Variants in CSMD1 observed in about 807,000 individuals in gnomAD.
CSMD1 encodes CUB and sushi domain-containing protein 1.
In CSMD1, 213 loss-of-function variants were observed where a neutral mutation model predicts 417.5. The observed-to-expected ratio is 0.51, with a 90% CI of 0.46 to 0.57. The LOEUF is 0.57. CSMD1 is among the 20% of genes least tolerant of loss of function. CSMD1 has a pLI of 0.00. For synonymous variants in CSMD1, 2,862 were observed against 1,736.8 expected, an observed-to-expected ratio of 1.65 and a Z score of -16.11; for missense variants, 6,923 against 4,529.7, an observed-to-expected ratio of 1.53 and a Z score of -15.17.
At chr8:3,180,693 T>A (rs957713493) in intron 37 of CSMD1, among the ~76,000 whole-genome samples, 3 of 152,138 alleles carry the variant, frequency 2.0e-5, no homozygotes, top group African/African-American at 7.2e-5. Context: ...TGGTGTGCAG[T>A]GGTGCAATCT....
chr8:3,052,658 A>G lies in CSMD1; in HGVS notation c.7475-11T>C. 9.5e-6 allele frequency: 15 copies of G among 1,571,284 alleles called. No homozygotes were observed. The highest frequency in any genetic ancestry group is 1.3e-5 in the Non-Finnish European group (15 of 1,158,496). The stretch of plus-strand genomic sequence containing the variant: ...TTCCACAGGACACAGCTGAAAAGAA[A>G]TGAAACAAATGTAGGCTTATTCTTA... On this transcript the variant is annotated splice_polypyrimidine_tract_variant and intron_variant, in intron 49 of 69. Coordinates refer to ENST00000635120, the MANE Select transcript of CSMD1 (RefSeq NM_033225.6).
intron 1 of CSMD1, among the ~76,000 whole-genome samples, chr8:4,803,005 G>A (rs567582517): frequency 3.9e-5 from 6 of 152,216 alleles, no homozygotes; most frequent in African/African-American, 1.4e-4. Context: ...CAGCAGTAAA[G>A]TCACCAGATA....
intron 8 of CSMD1, among the ~76,000 whole-genome samples, chr8:3,609,242 A>G (rs1355090409): frequency 6.6e-6 from 1 of 152,226 alleles, no homozygotes; most frequent in Non-Finnish European, 1.5e-5. Flanking sequence ...ACAGAAAGAC[A>G]GATGAACAAT....
rs138362801 is a variant in CSMD1, at chr8:4,319,646, C to G, written c.415+100307G>C. Among the ~76,000 whole-genome samples, 272 of 152,230 alleles carry G rather than the reference C, an allele frequency of 1.8e-3. 2 individuals are homozygous for G. Among genetic ancestry groups the G allele is most frequent in the Middle Eastern group, 3.4e-3 (1 of 294 alleles). ...AAGGGTGAATTACTTACCCAGTTCACTGCCTGGAAAGAGAGGCCAGGGAAC... is the reference window on the plus strand; with the variant it reads ...AAGGGTGAATTACTTACCCAGTTCAGTGCCTGGAAAGAGAGGCCAGGGAAC... On this transcript the variant is annotated intron_variant, in intron 3 of 69. Transcript: ENST00000635120.
intron 1 of CSMD1, among the ~76,000 whole-genome samples, chr8:4,930,606 A>G (rs776626444): frequency 1.3e-5 from 2 of 152,226 alleles, no homozygotes; most frequent in African/African-American, 4.8e-5. Context: ...GAACACAATT[A>G]CATTTATCAC....
rs562965254 is a variant in CSMD1 at position 4,360,522 on chromosome 8, C to G, written c.415+59431G>C. 1.7e-4 allele frequency among the ~76,000 whole-genome samples: 26 copies of G among 152,292 alleles called. No individual in the cohort carries two copies. In the South Asian group the frequency reaches 3.7e-3, roughly 22 times the overall value. ...CCAGGTTCTTTGAGATGGAGTCTGG[C>G]TCTGTCGCCCAGGCTGGAGGGCAGT... On this transcript the variant is annotated intron_variant, in intron 3 of 69. Transcript: ENST00000635120.
chr8:3,412,384 C>A lies in CSMD1; in HGVS notation c.1562-2779G>T, dbSNP rs570428619. 3.3e-5 allele frequency among the ~76,000 whole-genome samples: 5 copies of A among 152,134 alleles called. No homozygotes were observed. The South Asian group carries it at 1.0e-3, about 32-fold the overall frequency. ...CAATGTTTGTAGAAGTGACTCAGAA[C>A]TGAATTTCCAGATGGTTTGAAGGTC... On this transcript the variant is annotated intron_variant, in intron 12 of 69. Coordinates refer to ENST00000635120, the MANE Select transcript of CSMD1 (RefSeq NM_033225.6).
intron 3 of CSMD1, among the ~76,000 whole-genome samples, chr8:4,080,082 G>A (rs551312997): frequency 1.3e-5 from 2 of 150,882 alleles, no homozygotes; most frequent in Non-Finnish European, 2.9e-5. Context: ...AACAGTCTCT[G>A]TCTCCATGTT....
chr8:3,675,574 G>A lies in CSMD1; in HGVS notation c.1009+32840C>T, dbSNP rs927740906. Among the ~76,000 whole-genome samples the A allele has an allele frequency of 5.3e-5, 8 of 152,128 alleles. No individual in the cohort carries two copies. The East Asian group carries it at 1.5e-3, about 29-fold the overall frequency. On this transcript the variant is annotated intron_variant, in intron 7 of 69. Transcript: ENST00000635120. The stretch of plus-strand genomic sequence containing the variant: ...TTTCAGGAAGTGATTTGGTTTACAT[G>A]CAGACACGAGGGTTGATACCCCATG...
At chr8:4,697,442 A>G (rs1169652362) in intron 1 of CSMD1, among the ~76,000 whole-genome samples, 10 of 152,178 alleles carry the variant, frequency 6.6e-5, no homozygotes, top group Admixed American at 2.0e-4. Flanking sequence ...TTGCTTACAG[A>G]GGCAAGTTCA....
chr8:3,600,577 C>T (rs914414543), intron 8 of CSMD1, among the ~76,000 whole-genome samples: 1 of 152,110 alleles, frequency 6.6e-6, no homozygotes, highest in South Asian at 2.1e-4. Flanking sequence ...ACCCAGCTTG[C>T]CAGTATATTC....
At chr8:4,872,591 T>C (rs1802799613) in intron 1 of CSMD1, among the ~76,000 whole-genome samples, 1 of 152,078 alleles carries the variant, frequency 6.6e-6, no homozygotes, top group African/African-American at 2.4e-5. Flanking sequence ...ACACTTTCCT[T>C]TATAAATTAC....
intron 1 of CSMD1, among the ~76,000 whole-genome samples, chr8:4,689,430 G>T (rs1806612922): frequency 6.6e-6 from 1 of 152,104 alleles, no homozygotes; most frequent in South Asian, 2.1e-4. Flanking sequence ...AAGAAAACAT[G>T]ATTTAATGGG....
chr8:3,688,199 T>C (rs1357514571), intron 7 of CSMD1, among the ~76,000 whole-genome samples: 1 of 152,248 alleles, frequency 6.6e-6, no homozygotes, highest in Non-Finnish European at 1.5e-5. Context: ...ACACAATGAA[T>C]ACTTGTTGCA....
chr8:3,241,092 C>T (rs566509457), intron 26 of CSMD1, among the ~76,000 whole-genome samples: 13 of 150,634 alleles, frequency 8.6e-5, no homozygotes, highest in East Asian at 5.9e-4. Context: ...GAGGACGCAA[C>T]GGAGGCTTTG....
intron 7 of CSMD1, among the ~76,000 whole-genome samples, chr8:3,643,501 A>G (rs2469374): frequency 0.5 from 75,369 of 151,546 alleles, 19,084 homozygotes; most frequent in Middle Eastern, 0.64. Flanking sequence ...AGGAGATCGA[A>G]ACCATCCTGG....
intron 37 of CSMD1, among the ~76,000 whole-genome samples, chr8:3,166,765 T>C (rs1028316542): frequency 2.6e-5 from 4 of 152,082 alleles, no homozygotes; most frequent in African/African-American, 7.2e-5. Flanking sequence ...TAAAAAGAAT[T>C]ATTTATTCTT....
chr8:4,873,530 T>C (rs574397641), intron 1 of CSMD1, among the ~76,000 whole-genome samples: 1 of 152,266 alleles, frequency 6.6e-6, no homozygotes, highest in Non-Finnish European at 1.5e-5. Flanking sequence ...GTGTGTAGTA[T>C]CTTAACAGCA....
intron 7 of CSMD1, among the ~76,000 whole-genome samples, chr8:3,647,826 G>A (rs535928857): frequency 1.3e-5 from 2 of 152,314 alleles, no homozygotes; most frequent in East Asian, 3.9e-4. Context: ...GTATAATGTT[G>A]GTGAATCTGA....
Sources: gnomAD v4.1 joint callset for allele counts (sites outside exome capture counted in the v4.1 genomes callset) on GRCh38, gnomAD v4.1.1 for gene constraint, MANE v1.5 for transcripts, NCBI Gene and HGNC (gene_info 2026-07-23, HGNC 2026-07-21) for gene names.